The following MYO9A variants were observed in gnomAD, a reference collection of about 807,000 sequenced individuals.
MYO9A encodes the protein myosin IXA, also known as unconventional myosin-IXa.
A neutral mutation model predicts 293.3 loss-of-function variants in MYO9A; 103 were observed. That is an observed-to-expected ratio of 0.35 (90% CI 0.30 to 0.41). The LOEUF (loss-of-function observed/expected upper bound fraction) is 0.41, where lower values mean the gene tolerates loss of function less well. Among genes scored for constraint, MYO9A ranks in the 10% least tolerant of loss-of-function variants. The probability of loss-of-function intolerance (pLI) is 1.00; values close to 1 mark genes in which losing one functional copy is unlikely to be tolerated. For synonymous variants in MYO9A, 1,001 were observed against 1,035.7 expected (o/e 0.97, Z 0.64); for missense variants, 2,685 against 3,033.0 (o/e 0.89, Z 2.69).
chr15:72,034,849 A>G (rs985263465), intron 2 of MYO9A, among the ~76,000 whole-genome samples: 21 of 152,238 alleles, frequency 1.4e-4, no homozygotes, highest in African/African-American at 4.8e-4. Flanking sequence ...CAAGGCTACA[A>G]TGTCAACAGC....
intron 39 of MYO9A, among the ~76,000 whole-genome samples, chr15:71,842,511 G>A (rs185975581): frequency 1.2e-3 from 179 of 152,122 alleles, no homozygotes; most frequent in Non-Finnish European, 1.5e-3. Flanking sequence ...CTAGAGCTAG[G>A]ATTTACACCC....
intron 32 of MYO9A, among the ~76,000 whole-genome samples, chr15:71,868,455 G>C (rs930557095): frequency 1.2e-4 from 19 of 152,162 alleles, no homozygotes; most frequent in Admixed American, 1.2e-3. Context: ...GGTTACACTG[G>C]GCTCATCTGC....
chr15:71,991,172 C>A lies in MYO9A; in HGVS notation c.1653G>T (p.Gln551His). ...GTTCATTAGCAAAATTAATACAGAA[C>A]TGTTCAAAGCTGTTATTTTCATAAT... ...FEDYENNSFE[Q>H]FCINFANERL... The change falls in exon 11 of 42, where the codon CAG becomes CAT. Residue 551 changes from glutamine (Q) to histidine (H), a missense_variant. Transcript: ENST00000356056. 6.2e-7 allele frequency: 1 copy of A among 1,608,542 alleles called. No homozygotes were observed. The highest frequency in any genetic ancestry group is 1.1e-5 in the South Asian group (1 of 90,050).
intron 6 of MYO9A, among the ~76,000 whole-genome samples, chr15:72,013,978 A>G (rs2077249166): frequency 6.6e-6 from 1 of 151,888 alleles, no homozygotes. Flanking sequence ...TCTGATTTTT[A>G]TATTTTTTTG....
At chr15:71,980,530 T>G (rs1000107248) in intron 11 of MYO9A, among the ~76,000 whole-genome samples, 3 of 152,170 alleles carry the variant, frequency 2.0e-5, no homozygotes, top group Admixed American at 6.5e-5. Flanking sequence ...TATGACGTGC[T>G]TGTATTCATG....
chr15:71,859,205 G>A (rs2141635078), intron 34 of MYO9A, among the ~76,000 whole-genome samples: 1 of 152,292 alleles, frequency 6.6e-6, no homozygotes, highest in East Asian at 1.9e-4. Flanking sequence ...ATAAGAAAAT[G>A]TTGTGATCAT....
intron 22 of MYO9A, among the ~76,000 whole-genome samples, chr15:71,902,558 T>A (rs1480549127): frequency 6.6e-6 from 1 of 152,112 alleles, no homozygotes; most frequent in African/African-American, 2.4e-5. Context: ...TGTGAAAGGA[T>A]TAAAGTGAAC....
At chr15:72,093,343 C>T (rs2079976661) in intron 1 of MYO9A, among the ~76,000 whole-genome samples, 1 of 151,880 alleles carries the variant, frequency 6.6e-6, no homozygotes, top group Non-Finnish European at 1.5e-5. Context: ...GCCTGGGCAA[C>T]ATAGTGAGAC....
chr15:71,863,844 G>A (rs1458557298), intron 32 of MYO9A, among the ~76,000 whole-genome samples: 1 of 152,072 alleles, frequency 6.6e-6, no homozygotes, highest in Non-Finnish European at 1.5e-5. Context: ...CGAGTCAGTG[G>A]AGTAATATTT....
intron 3 of MYO9A, among the ~76,000 whole-genome samples, chr15:72,028,016 G>A (rs2077727662): frequency 6.6e-6 from 1 of 151,236 alleles, no homozygotes; most frequent in African/African-American, 2.4e-5. Context: ...TGGCTGATAT[G>A]GTGAAACCCC....
At chr15:72,086,764 TTTG>T (rs748153898) in intron 1 of MYO9A, among the ~76,000 whole-genome samples, 2 of 139,032 alleles carry the variant, frequency 1.4e-5, no homozygotes, top group African/African-American at 5.5e-5. Flanking sequence ...TTTTGTTGTT[TTTG>T]TTGTTGTTGT....
intron 27 of MYO9A, among the ~76,000 whole-genome samples, chr15:71,884,657 A>G (rs946317712): frequency 1.3e-5 from 2 of 152,160 alleles, no homozygotes; most frequent in Non-Finnish European, 2.9e-5. Context: ...GTACCTTGCG[A>G]TAACAATGGC....
chr15:72,015,034 A>G, intron 6 of MYO9A, among the ~76,000 whole-genome samples: 1 of 141,658 alleles, frequency 7.1e-6, no homozygotes. Flanking sequence ...TTTTTGGTAG[A>G]GACAGGGTTT....
At chr15:72,015,878 C>A (rs985464226) in intron 6 of MYO9A, among the ~76,000 whole-genome samples, 1 of 151,702 alleles carries the variant, frequency 6.6e-6, no homozygotes, top group African/African-American at 2.4e-5. Context: ...TTAGTAGAGA[C>A]GGGGTTTCAC....
intron 14 of MYO9A, among the ~76,000 whole-genome samples, chr15:71,955,987 A>T (rs1314287864): frequency 6.6e-6 from 1 of 151,928 alleles, no homozygotes; most frequent in Non-Finnish European, 1.5e-5. Flanking sequence ...CCATATTACA[A>T]ATATGGAAAC....
intron 1 of MYO9A, among the ~76,000 whole-genome samples, chr15:72,077,937 T>C (rs1229730220): frequency 6.6e-6 from 1 of 151,818 alleles, no homozygotes; most frequent in Non-Finnish European, 1.5e-5. Flanking sequence ...CTCAAAATCA[T>C]ATTTGTTAGG....
chr15:71,842,351 T>C (rs1363247813), intron 39 of MYO9A, among the ~76,000 whole-genome samples: 1 of 151,972 alleles, frequency 6.6e-6, no homozygotes, highest in Non-Finnish European at 1.5e-5. Context: ...CACTCCAGCG[T>C]GGGTGACAGA....
chr15:72,034,803 A>C (rs1416913233), intron 2 of MYO9A, among the ~76,000 whole-genome samples: 1 of 152,154 alleles, frequency 6.6e-6, no homozygotes, highest in Non-Finnish European at 1.5e-5. Context: ...GTGATGTACT[A>C]CTCTTATTTT....
At chr15:72,014,345 A>G (rs1487835858) in intron 6 of MYO9A, among the ~76,000 whole-genome samples, 2 of 152,226 alleles carry the variant, frequency 1.3e-5, no homozygotes, top group East Asian at 3.8e-4. Context: ...TGCACTCTAC[A>G]CTAGTAGTTA....
Sources: allele counts gnomAD v4.1 joint callset (sites outside exome capture counted in the v4.1 genomes callset), GRCh38; gene constraint gnomAD v4.1.1; transcripts MANE v1.5; gene names NCBI Gene and HGNC (gene_info 2026-07-23, HGNC 2026-07-21).